MARCHF10: variants seen among roughly 807,000 people sequenced by gnomAD.
MARCHF10 encodes the protein membrane associated ring-CH-type finger 10.
MARCHF10 carries 64 observed loss-of-function variants against 76.2 expected under a neutral mutation model. That is an observed-to-expected ratio of 0.84 (90% CI 0.69 to 1.03). The LOEUF (loss-of-function observed/expected upper bound fraction) is 1.03, where lower values mean the gene tolerates loss of function less well. Among genes scored for constraint, MARCHF10 ranks in the 50% least tolerant of loss-of-function variants. The pLI, the probability that MARCHF10 is intolerant of heterozygous loss-of-function variation, is 0.00. For missense variants in MARCHF10, 875 were observed against 958.0 expected (o/e 0.91, Z 1.14); for synonymous variants, 340 against 357.5 (o/e 0.95, Z 0.55).
intron 4 of MARCHF10, among the ~76,000 whole-genome samples, chr17:62,751,130 A>G (rs562976805): frequency 6.6e-6 from 1 of 152,344 alleles, no homozygotes; most frequent in Admixed American, 6.5e-5. Context: ...TGATCTGTTC[A>G]CTAACCTCAC....
intron 3 of MARCHF10, among the ~76,000 whole-genome samples, chr17:62,768,543 G>C (rs983254670): frequency 5.3e-5 from 8 of 152,100 alleles, no homozygotes; most frequent in African/African-American, 1.7e-4. Flanking sequence ...CATTTATACT[G>C]TTTTACTTAA....
At chr17:62,783,154 T>C (rs1195015847) in intron 3 of MARCHF10, among the ~76,000 whole-genome samples, 1 of 143,852 alleles carries the variant, frequency 7.0e-6, no homozygotes, top group Non-Finnish European at 1.5e-5. Flanking sequence ...AGTGCAAACA[T>C]AAAATATCCT....
At position 62,736,188 on chromosome 17, in the gene MARCHF10, T is replaced by G; in HGVS notation, c.1680A>C (p.Thr560=). The change falls in exon 6 of 11, where the codon ACA becomes ACC. Residue 560 remains threonine, a synonymous_variant. Transcript: ENST00000311269. ...TSQPQGAPLY[T]DLLLNPQGNL... is the part of the protein sequence containing the mutation. Reference sequence around the variant, plus strand: ...TGCCCTGTGGATTTAGTAAGAGATCTGTATATAGTGGAGCCCCCTGAGGCT... The same window carrying G: ...TGCCCTGTGGATTTAGTAAGAGATCGGTATATAGTGGAGCCCCCTGAGGCT... 1 of 1,614,222 alleles carries G rather than the reference T, an allele frequency of 6.2e-7. No individual in the cohort carries two copies.
intron 8 of MARCHF10, among the ~76,000 whole-genome samples, chr17:62,717,353 AT>A (rs2090262620): frequency 6.6e-6 from 1 of 152,234 alleles, no homozygotes; most frequent in Admixed American, 6.5e-5. Flanking sequence ...TAATGCGGGC[AT>A]TTCCCAAAGG....
Position 62,736,132 on chromosome 17 carries a change from G to C in MARCHF10, c.1736C>G (p.Ser579Cys), listed in dbSNP as rs777352935. 6.2e-7 allele frequency: 1 copy of C among 1,614,208 alleles called. No individual in the cohort carries two copies. Among genetic ancestry groups the C allele is most frequent in the South Asian group, 1.1e-5 (1 of 91,084 alleles). ...GCCTTCTGAGTTCATTCTTGATGGAGAGGAGCTGGAAGAATCCACTAAGGA... is the reference window on the plus strand; with the variant it reads ...GCCTTCTGAGTTCATTCTTGATGGACAGGAGCTGGAAGAATCCACTAAGGA... ...NLSLVDSSSS[S>C]PSRMNSEGHL... The change falls in exon 6 of 11, where the codon TCT becomes TGT. Residue 579 changes from serine (S) to cysteine (C), a missense_variant. Coordinates refer to ENST00000311269, the MANE Select transcript of MARCHF10 (RefSeq NM_152598.4).
At chr17:62,756,513 G>A (rs908598754) in intron 4 of MARCHF10, among the ~76,000 whole-genome samples, 1 of 152,068 alleles carries the variant, frequency 6.6e-6, no homozygotes, top group African/African-American at 2.4e-5. Context: ...AGATGTTTTG[G>A]GAGGACAACC....
chr17:62,748,449 A>C (rs1157152994), intron 4 of MARCHF10, among the ~76,000 whole-genome samples: 3 of 151,770 alleles, frequency 2.0e-5, no homozygotes, highest in Non-Finnish European at 4.4e-5. Context: ...AGAGATTCTA[A>C]CATTCAGCCA....
chr17:62,793,924 C>A (rs2092936217), intron 2 of MARCHF10, among the ~76,000 whole-genome samples: 1 of 150,740 alleles, frequency 6.6e-6, no homozygotes. Flanking sequence ...ACCACCACCA[C>A]CACCTCTATC....
In MARCHF10 at chr17:62,788,493, G is replaced by A. The variant is rs1281405929; in HGVS notation, c.197C>T (p.Ser66Leu). 2 of 1,614,108 alleles carry A rather than the reference G, an allele frequency of 1.2e-6. No homozygotes were observed. Among genetic ancestry groups the A allele is most frequent in the South Asian group, 2.2e-5 (2 of 91,078 alleles). ...SFERSRFSSR[S>L]SSKQSSSEED... is the part of the protein sequence containing the mutation. ...AATTCTTCATACCTGTTTGGAAGAT[G>A]ACCTGCTAGAAAACCGGGATCTCTC... Residue 66 changes from serine to leucine, a missense_variant, in exon 3 of 11, where the codon TCA becomes TTA. Ser to Leu is a moderately radical substitution (Grantham distance 145). Coordinates refer to ENST00000311269, the MANE Select transcript of MARCHF10 (RefSeq NM_152598.4).
chr17:62,801,854 T>A, intron 1 of MARCHF10, 102 bp from the exon 2 acceptor site: 1 of 875,080 alleles, frequency 1.1e-6, no homozygotes, highest in Non-Finnish European at 1.9e-6. Context: ...TGTATTCATC[T>A]AATTTCCCTT....
intron 4 of MARCHF10, chr17:62,746,912 C>A: frequency 2.0e-6 from 3 of 1,536,172 alleles, no homozygotes; most frequent in Non-Finnish European, 2.6e-6. Flanking sequence ...CTTCCCCAGA[C>A]TGCACCAGCC....
Position 62,722,572 on chromosome 17 carries a change from G to T in MARCHF10, c.2130C>A (p.Thr710=). ...TSGADLGAVK[T]CEMCKQGLLV... ...GCAGGCCTTGCTTACACATCTCACA[G>T]GTCTTCACGGCACCAAGATCTGCTC... is the stretch of plus-strand genomic sequence containing the variant. Residue 710 remains threonine (T), a synonymous_variant, in exon 8 of 11, where the codon ACC becomes ACA. Transcript: ENST00000311269. The T allele has an allele frequency of 6.2e-7, 1 of 1,613,800 alleles. No homozygotes were observed. Among genetic ancestry groups the T allele is most frequent in the Non-Finnish European group, 8.5e-7 (1 of 1,179,904 alleles).
chr17:62,714,724 A>G (rs908252678), intron 8 of MARCHF10, among the ~76,000 whole-genome samples: 1 of 152,120 alleles, frequency 6.6e-6, no homozygotes, highest in African/African-American at 2.4e-5. Context: ...CACAGTTGCC[A>G]GGCAGTCCCG....
chr17:62,803,050 G>A (rs73335792), intron 1 of MARCHF10, among the ~76,000 whole-genome samples: 11 of 152,256 alleles, frequency 7.2e-5, no homozygotes, highest in African/African-American at 2.6e-4. Context: ...AGTGGCTCAC[G>A]CCTCCCGAGG....
chr17:62,713,646 A>T (rs2090045863), intron 8 of MARCHF10, among the ~76,000 whole-genome samples: 1 of 152,148 alleles, frequency 6.6e-6, no homozygotes, highest in Non-Finnish European at 1.5e-5. Flanking sequence ...AGTGGGAGGG[A>T]TTTGTTAACT....
Position 62,738,051 on chromosome 17 carries a change from CTCTCTCTG to C in MARCHF10, c.536-727_536-720del, listed in dbSNP as rs1599163003. 1 of 139,088 alleles carries C rather than the reference CTCTCTCTG, an allele frequency of 7.2e-6. No individual in the cohort carries two copies. Among genetic ancestry groups the C allele is most frequent in the Non-Finnish European group, 1.5e-5 (1 of 66,178 alleles). The allele number at this position is 139,088 out of a possible 1,614,324, so 8.6% of individuals were successfully genotyped here. On this transcript the variant is annotated intron_variant, in intron 5 of 10. Coordinates refer to ENST00000311269, the MANE Select transcript of MARCHF10 (RefSeq NM_152598.4). The surrounding 1 kb of genome is among the most constrained non-coding windows in gnomAD (Gnocchi z 4.0). Reference sequence around the variant, plus strand: ...AAGCATGCTAACTGTCTCTCTCTGTCTCTCTCTGTCACACACACACACACACACACACA... The same window carrying C: ...AAGCATGCTAACTGTCTCTCTCTGTCTCACACACACACACACACACACACA...
intron 1 of MARCHF10, 70 bp from the exon 2 acceptor site, chr17:62,801,822 T>G: frequency 9.1e-7 from 1 of 1,098,108 alleles, no homozygotes; most frequent in Non-Finnish European, 1.4e-6. Context: ...TGGATTTATT[T>G]TCATCTAATT....
At chr17:62,796,615 C>T (rs1017622274) in intron 2 of MARCHF10, among the ~76,000 whole-genome samples, 3 of 152,290 alleles carry the variant, frequency 2.0e-5, no homozygotes, top group East Asian at 3.9e-4. Flanking sequence ...AATGTCAAGG[C>T]AATTGGTTCA....
chr17:62,750,221 C>T (rs2091850285), intron 4 of MARCHF10: 2 of 153,018 alleles, frequency 1.3e-5, no homozygotes, highest in Admixed American at 1.3e-4. Context: ...GTAAATCCTA[C>T]TGGGCCTTCT....
Sources: allele counts gnomAD v4.1 joint callset (sites outside exome capture counted in the v4.1 genomes callset), GRCh38; gene constraint gnomAD v4.1.1; non-coding constraint Gnocchi (gnomAD v3.1); transcripts MANE v1.5; gene names NCBI Gene and HGNC (gene_info 2026-07-23, HGNC 2026-07-21).